The following FBXW7 variants were observed in gnomAD, a reference collection of about 807,000 sequenced individuals.
The protein encoded by FBXW7 is F-box and WD repeat domain containing 7, also known as F-box/WD repeat-containing protein 7.
FBXW7 carries 11 observed loss-of-function variants against 86.3 expected under a neutral mutation model. The ratio of observed to expected loss-of-function variants is 0.13; its 90% CI spans 0.08 to 0.21. FBXW7 has a LOEUF of 0.21. Among genes scored for constraint, FBXW7 ranks in the 10% least tolerant of loss-of-function variants. FBXW7 has a pLI of 1.00. For synonymous variants in FBXW7, 313 were observed against 297.9 expected (o/e 1.05, Z -0.52); for missense variants, 488 against 847.4 (o/e 0.58, Z 5.27).
rs1728513973 is a variant in FBXW7, at chr4:152,320,859, G to A, written c.*2022C>T. 6.6e-6 allele frequency: 1 copy of A among 152,156 alleles called. No individual in the cohort carries two copies. Among genetic ancestry groups the A allele is most frequent in the South Asian group, 2.1e-4 (1 of 4,834 alleles). The allele number at this position is 152,156 out of a possible 1,614,324, so 9.4% of individuals were successfully genotyped here. ...AGTGCCTACTTCTCAGGGATAGTGG[G>A]AGCTTAAGAGAGAATGAACAGAAAG... On this transcript the variant is annotated 3_prime_UTR_variant, in exon 14 of 14. Transcript: ENST00000281708.
chr4:152,493,207 C>T (rs1055942328), intron 2 of FBXW7, among the ~76,000 whole-genome samples: 19 of 152,032 alleles, frequency 1.2e-4, no homozygotes, highest in African/African-American at 4.6e-4. Flanking sequence ...CTTTGTTGCC[C>T]AGGCTGGAGT....
At chr4:152,390,661 C>T (rs1448145289) in intron 4 of FBXW7, among the ~76,000 whole-genome samples, 4 of 151,844 alleles carry the variant, frequency 2.6e-5, no homozygotes, top group African/African-American at 9.7e-5. Flanking sequence ...GTACTTAAGT[C>T]CATAAACAGT....
chr4:152,333,516 C>G (rs1019739098), intron 7 of FBXW7, among the ~76,000 whole-genome samples: 1 of 151,566 alleles, frequency 6.6e-6, no homozygotes, highest in Non-Finnish European at 1.5e-5. Context: ...TAGCCTCTGA[C>G]TGATTATTCA....
chr4:152,454,066 T>C (rs1742167327), intron 2 of FBXW7, among the ~76,000 whole-genome samples: 1 of 152,202 alleles, frequency 6.6e-6, no homozygotes, highest in South Asian at 2.1e-4. Context: ...AAAGTCACTA[T>C]ACACATTCAA....
At chr4:152,329,624 A>C in intron 10 of FBXW7, 48 bp downstream of exon 10, 2 of 920,822 alleles carry the variant, frequency 2.2e-6, no homozygotes, top group Non-Finnish European at 3.3e-6. Context: ...ACTTGCAATG[A>C]TATACACAAA....
At chr4:152,462,831 C>T (rs1375110968) in intron 2 of FBXW7, among the ~76,000 whole-genome samples, 1 of 151,968 alleles carries the variant, frequency 6.6e-6, no homozygotes, top group Non-Finnish European at 1.5e-5. Context: ...AAATTTCTCA[C>T]ATCCTTGATT....
At chr4:152,500,079 T>C (rs1746778202) in intron 2 of FBXW7, among the ~76,000 whole-genome samples, 1 of 152,176 alleles carries the variant, frequency 6.6e-6, no homozygotes, top group South Asian at 2.1e-4. Flanking sequence ...TTGAATTACT[T>C]TTCATATATG....
intron 7 of FBXW7, among the ~76,000 whole-genome samples, chr4:152,336,357 A>T (rs991837910): frequency 1.3e-5 from 2 of 152,076 alleles, no homozygotes; most frequent in Non-Finnish European, 2.9e-5. Flanking sequence ...CTTACACAAC[A>T]TTTTGTCTGT....
At chr4:152,356,930 T>C (rs1485343129) in intron 4 of FBXW7, among the ~76,000 whole-genome samples, 1 of 152,204 alleles carries the variant, frequency 6.6e-6, no homozygotes, top group African/African-American at 2.4e-5. Context: ...TATACATCAA[T>C]TGAAACTTTG....
chr4:152,441,163 T>C (rs1289140976), intron 2 of FBXW7, among the ~76,000 whole-genome samples: 1 of 152,216 alleles, frequency 6.6e-6, no homozygotes, highest in African/African-American at 2.4e-5. Flanking sequence ...CTTATTGAGA[T>C]GACTGAAGCT....
chr4:152,527,456 T>C (rs759688264), intron 2 of FBXW7, among the ~76,000 whole-genome samples: 3 of 152,104 alleles, frequency 2.0e-5, no homozygotes, highest in Non-Finnish European at 2.9e-5. Context: ...CATGCAATCC[T>C]AAAAGGCTGT....
intron 2 of FBXW7, among the ~76,000 whole-genome samples, chr4:152,532,711 C>G (rs1220201505): frequency 1.3e-5 from 2 of 152,178 alleles, no homozygotes; most frequent in Non-Finnish European, 2.9e-5. Context: ...ATATTCACAT[C>G]TATAAGTTGA....
chr4:152,527,558 T>C (rs919139281), intron 2 of FBXW7, among the ~76,000 whole-genome samples: 33 of 152,316 alleles, frequency 2.2e-4, no homozygotes, highest in Admixed American at 9.2e-4. Flanking sequence ...GCTTGAGTCC[T>C]GGAGTTTGAG....
intron 4 of FBXW7, among the ~76,000 whole-genome samples, chr4:152,356,317 T>C (rs538390437): frequency 1.5e-4 from 23 of 152,336 alleles, no homozygotes; most frequent in African/African-American, 5.3e-4. Context: ...GCATTATTTT[T>C]CTAAAGCTTA....
intron 4 of FBXW7, among the ~76,000 whole-genome samples, chr4:152,382,984 A>T (rs888610849): frequency 1.3e-5 from 2 of 152,194 alleles, no homozygotes; most frequent in South Asian, 2.1e-4. Context: ...CATACACACC[A>T]TTCTTTATCT....
At chr4:152,337,002 T>C (rs555044800) in intron 7 of FBXW7, among the ~76,000 whole-genome samples, 2 of 152,112 alleles carry the variant, frequency 1.3e-5, no homozygotes, top group East Asian at 1.9e-4. Flanking sequence ...ATATTACTTA[T>C]GAAAATATAA....
intron 2 of FBXW7, among the ~76,000 whole-genome samples, chr4:152,452,136 T>C (rs941304310): frequency 1.3e-5 from 2 of 152,218 alleles, no homozygotes; most frequent in African/African-American, 4.8e-5. Context: ...ACTTTGTTAA[T>C]TGTGTAAACA....
chr4:152,331,220 C>T lies in FBXW7; in HGVS notation c.986-352G>A, dbSNP rs1729535671. 4.6e-5 allele frequency among the ~76,000 whole-genome samples: 7 copies of T among 152,130 alleles called. No individual in the cohort carries two copies. In the South Asian group the frequency reaches 1.5e-3, roughly 32 times the overall value. On this transcript the variant is annotated intron_variant, in intron 8 of 13. Transcript: ENST00000281708. ...AGAATTAACATATGATCTAGCAATT[C>T]CACTTCTGGATACATAACCAAAACA...
intron 2 of FBXW7, among the ~76,000 whole-genome samples, chr4:152,457,108 G>A (rs1046971476): frequency 6.6e-6 from 1 of 152,052 alleles, no homozygotes; most frequent in Non-Finnish European, 1.5e-5. Flanking sequence ...ATTGAGCTAG[G>A]GTTGAAAGAA....
Sources: gnomAD v4.1 joint callset for allele counts (sites outside exome capture counted in the v4.1 genomes callset) on GRCh38, gnomAD v4.1.1 for gene constraint, MANE v1.5 for transcripts, NCBI Gene and HGNC (gene_info 2026-07-23, HGNC 2026-07-21) for gene names.